Variants in AOAH observed in about 807,000 individuals in gnomAD.
AOAH encodes acyloxyacyl hydrolase, also known as acyloxyacyl hydrolase (neutrophil).
Under a neutral mutation model 92.2 loss-of-function variants are expected in AOAH, and 64 were observed. The observed-to-expected ratio is 0.69, with a 90% CI of 0.57 to 0.86. The LOEUF is 0.86. AOAH is among the 40% of genes least tolerant of loss of function. AOAH has a pLI of 0.00. For synonymous variants in AOAH, 263 were observed against 254.5 expected (o/e 1.03, Z -0.32); for missense variants, 656 against 694.6 (o/e 0.94, Z 0.62).
At chr7:36,581,408 C>A (rs1788924657) in intron 12 of AOAH, among the ~76,000 whole-genome samples, 1 of 152,186 alleles carries the variant, frequency 6.6e-6, no homozygotes, top group African/African-American at 2.4e-5. Context: ...GATGTAAGTG[C>A]TTGTGTTCAA....
rs143195139 is a variant in AOAH, at chr7:36,535,054, CTG to C, written c.1307-2712_1307-2711del. ...TGTGTGTCTGTGTGTGTGTATGTGT[CTG>C]TGTGTGTGTATCCGTGTGTGTCTGT... On this transcript the variant is annotated intron_variant, in intron 16 of 20. Transcript: ENST00000617537. 1.6e-4 allele frequency among the ~76,000 whole-genome samples: 23 copies of C among 143,690 alleles called. No individual in the cohort carries two copies. In the East Asian group the frequency reaches 2.3e-3, roughly 14 times the overall value. The allele number at this position is 143,690 out of a possible 152,430, so 94.3% of individuals were successfully genotyped here. A position where few individuals can be genotyped will look rare whatever the true frequency, so the allele number is the denominator to read the frequency against.
intron 11 of AOAH, among the ~76,000 whole-genome samples, chr7:36,615,558 T>A (rs552060990): frequency 1.3e-5 from 2 of 152,312 alleles, no homozygotes; most frequent in Non-Finnish European, 2.9e-5. Flanking sequence ...CCCCTGCTTG[T>A]GTGTGTGGCA....
At chr7:36,612,640 T>C (rs953657387) in intron 11 of AOAH, among the ~76,000 whole-genome samples, 1 of 152,232 alleles carries the variant, frequency 6.6e-6, no homozygotes, top group Non-Finnish European at 1.5e-5. Context: ...AATGTTGCCT[T>C]ATACATGTTG....
At chr7:36,664,502 G>A (rs181500961) in intron 3 of AOAH, among the ~76,000 whole-genome samples, 16 of 152,216 alleles carry the variant, frequency 1.1e-4, no homozygotes, top group Non-Finnish European at 1.8e-4. Flanking sequence ...ATACCCTGCT[G>A]TCTTGATTAC....
chr7:36,630,796 T>C (rs1024551175), intron 6 of AOAH, among the ~76,000 whole-genome samples: 3 of 152,094 alleles, frequency 2.0e-5, no homozygotes, highest in Non-Finnish European at 4.4e-5. Flanking sequence ...TGCAAAGAAG[T>C]CAAGAATATG....
intron 1 of AOAH, among the ~76,000 whole-genome samples, chr7:36,715,375 G>A (rs1323148779): frequency 2.0e-5 from 3 of 152,140 alleles, no homozygotes; most frequent in African/African-American, 4.8e-5. Flanking sequence ...GGAAGAATCA[G>A]TATCATGAAA....
intron 4 of AOAH, among the ~76,000 whole-genome samples, chr7:36,647,727 C>T (rs778266653): frequency 2.0e-5 from 3 of 152,088 alleles, no homozygotes. Context: ...AACAAAAATA[C>T]AGCTTTGAAT....
intron 1 of AOAH, among the ~76,000 whole-genome samples, chr7:36,717,751 T>C (rs1285713075): frequency 3.6e-5 from 5 of 137,502 alleles, no homozygotes; most frequent in Admixed American, 1.5e-4. Flanking sequence ...TTGCTTAGCC[T>C]AGTTTAAGTT....
At chr7:36,538,790 C>A (rs899015358) in intron 16 of AOAH, among the ~76,000 whole-genome samples, 2 of 152,178 alleles carry the variant, frequency 1.3e-5, no homozygotes, top group African/African-American at 2.4e-5. Context: ...GCGGCGTGGT[C>A]AAAGTTGCAT....
chr7:36,594,455 T>C, intron 11 of AOAH, 25 bp from the exon 12 acceptor site: 5 of 1,572,528 alleles, frequency 3.2e-6, no homozygotes, highest in Non-Finnish European at 4.4e-6. Context: ...AAAGTAGCAA[T>C]TATCAAAATG....
chr7:36,532,246 G>A, intron 17 of AOAH, 40 bp from the exon 18 acceptor site: 1 of 1,614,202 alleles, frequency 6.2e-7, no homozygotes, highest in East Asian at 2.2e-5. Context: ...GAGGATCAGG[G>A]TAGGTAAGCG....
At chr7:36,596,380 G>A (rs183504123) in intron 11 of AOAH, among the ~76,000 whole-genome samples, 2 of 152,256 alleles carry the variant, frequency 1.3e-5, no homozygotes, top group East Asian at 3.9e-4. Flanking sequence ...ACTGTTATGG[G>A]TTGAATTATG....
At chr7:36,566,689 T>C (rs1370452019) in intron 13 of AOAH, among the ~76,000 whole-genome samples, 1 of 152,150 alleles carries the variant, frequency 6.6e-6, no homozygotes, top group African/African-American at 2.4e-5. Context: ...AGGAGTCGGG[T>C]GAGTGGACTC....
At chr7:36,530,319 C>T (rs1476539784) in intron 19 of AOAH, 99 bp downstream of exon 19, 3 of 794,518 alleles carry the variant, frequency 3.8e-6, no homozygotes, top group Non-Finnish European at 6.5e-6. Flanking sequence ...CCTGCCGAAT[C>T]TGCTGCCTGG....
At chr7:36,627,180 C>A (rs1248904856) in intron 6 of AOAH, among the ~76,000 whole-genome samples, 1 of 152,020 alleles carries the variant, frequency 6.6e-6, no homozygotes, top group South Asian at 2.1e-4. Flanking sequence ...GAAATTAATG[C>A]ATCAAAAGAT....
intron 15 of AOAH, 131 bp from the exon 16 acceptor site, chr7:36,540,622 T>C: frequency 1.2e-6 from 1 of 825,176 alleles, no homozygotes; most frequent in East Asian, 2.7e-5. Flanking sequence ...TCATTGGAGC[T>C]ATTTGCAAAA....
At chr7:36,706,316 T>G (rs1314477379) in intron 1 of AOAH, among the ~76,000 whole-genome samples, 1 of 152,176 alleles carries the variant, frequency 6.6e-6, no homozygotes, top group East Asian at 1.9e-4. Flanking sequence ...GCATTGTCAA[T>G]GAGCAGTAAT....
chr7:36,693,719 C>T (rs780385715), intron 1 of AOAH, among the ~76,000 whole-genome samples: 3 of 152,068 alleles, frequency 2.0e-5, no homozygotes, highest in East Asian at 1.9e-4. Flanking sequence ...TATTATTAGG[C>T]GATAAAGGTA....
At chr7:36,596,063 C>T (rs1173001187) in intron 11 of AOAH, among the ~76,000 whole-genome samples, 2 of 152,164 alleles carry the variant, frequency 1.3e-5, no homozygotes, top group Non-Finnish European at 2.9e-5. Flanking sequence ...AAGCCATTAA[C>T]TCCTTGAAAG....
Sources: gnomAD v4.1 joint callset for allele counts (sites outside exome capture counted in the v4.1 genomes callset) on GRCh38, gnomAD v4.1.1 for gene constraint, MANE v1.5 for transcripts, NCBI Gene and HGNC (gene_info 2026-07-23, HGNC 2026-07-21) for gene names.